Variants in PTPRN2 observed in about 807,000 individuals in gnomAD.
PTPRN2 encodes protein tyrosine phosphatase receptor type N2.
A neutral mutation model predicts 118.8 loss-of-function variants in PTPRN2; 74 were observed. The ratio of observed to expected loss-of-function variants is 0.62; its 90% CI spans 0.52 to 0.76. The LOEUF (loss-of-function observed/expected upper bound fraction) is 0.76. PTPRN2 is among the 30% of genes least tolerant of loss of function. The pLI is 0.00. For synonymous variants in PTPRN2, 641 were observed against 608.0 expected (o/e 1.05, Z -0.80); for missense variants, 1,481 against 1,394.4 (o/e 1.06, Z -0.99).
intron 2 of PTPRN2, among the ~76,000 whole-genome samples, chr7:158,379,662 T>A (rs907664345): frequency 6.6e-6 from 1 of 152,156 alleles, no homozygotes; most frequent in East Asian, 1.9e-4. Context: ...GCGGGGTTCC[T>A]AAGAAACAGC....
chr7:158,311,913 A>G (rs1202066229), intron 3 of PTPRN2, among the ~76,000 whole-genome samples: 1 of 146,850 alleles, frequency 6.8e-6, no homozygotes, highest in African/African-American at 2.7e-5. Context: ...ACACGCACAC[A>G]CCTGCACACA....
intron 3 of PTPRN2, among the ~76,000 whole-genome samples, chr7:158,290,199 G>C (rs1800025402): frequency 1.5e-5 from 2 of 137,762 alleles, no homozygotes; most frequent in South Asian, 4.7e-4. Context: ...GGGCTGGCTG[G>C]CACCAGGGGT....
At chr7:158,048,450 GGTGA>G (rs1265257465) in intron 11 of PTPRN2, among the ~76,000 whole-genome samples, 1 of 152,026 alleles carries the variant, frequency 6.6e-6, no homozygotes, top group East Asian at 1.9e-4. Context: ...TGTATTTTAA[GGTGA>G]GTAAGTTACA....
intron 2 of PTPRN2, among the ~76,000 whole-genome samples, chr7:158,434,675 C>G (rs1816451983): frequency 6.6e-6 from 1 of 152,094 alleles, no homozygotes; most frequent in Admixed American, 6.5e-5. Flanking sequence ...TTTATATCGA[C>G]TATCTTACCT....
At chr7:157,689,450 C>G (rs1283694173) in intron 12 of PTPRN2, among the ~76,000 whole-genome samples, 1 of 152,192 alleles carries the variant, frequency 6.6e-6, no homozygotes, top group Non-Finnish European at 1.5e-5. Flanking sequence ...GTGGCGGGGC[C>G]CCTCTCCCAG....
chr7:158,513,510 G>A (rs983362659), intron 1 of PTPRN2, among the ~76,000 whole-genome samples: 3 of 152,220 alleles, frequency 2.0e-5, no homozygotes, highest in Admixed American at 6.5e-5. Flanking sequence ...GACAAACTGT[G>A]TACTAATGTA....
chr7:158,138,315 G>T lies in PTPRN2; in HGVS notation c.1111C>A (p.Leu371Ile). Residue 371 changes from leucine (L) to isoleucine (I), a missense_variant, in exon 7 of 23, where the codon CTC becomes ATC. By Grantham distance (5) the Leu-to-Ile change is conservative (BLOSUM62 2). Transcript: ENST00000389418. ...GEQADGPKAT[L>I]RGDSFPDDGV... ...TCACCTGGAAAGCTGTCTCCACGGA[G>T]GGTGGCCTTGGGGCCATCCGCCTGT... The T allele has an allele frequency of 2.5e-6, 4 of 1,613,314 alleles. No individual in the cohort carries two copies. Among genetic ancestry groups the T allele is most frequent in the South Asian group, 1.1e-5 (1 of 91,072 alleles).
At chr7:158,247,997 A>G (rs10256056) in intron 3 of PTPRN2, among the ~76,000 whole-genome samples, 121,423 of 152,076 alleles carry the variant, frequency 0.8, 48,800 homozygotes, top group African/African-American at 0.88. Context: ...TTATCCCCCC[A>G]TTATTAGGGA....
chr7:158,250,202 C>T (rs1002558137), intron 3 of PTPRN2, among the ~76,000 whole-genome samples: 1 of 152,152 alleles, frequency 6.6e-6, no homozygotes, highest in Non-Finnish European at 1.5e-5. Flanking sequence ...GACCCACAAT[C>T]GGATCTATGG....
chr7:158,251,926 A>G (rs1376896517), intron 3 of PTPRN2, among the ~76,000 whole-genome samples: 1 of 152,164 alleles, frequency 6.6e-6, no homozygotes, highest in Non-Finnish European at 1.5e-5. Context: ...TGTTGGGGAC[A>G]CACAAGCAGG....
intron 11 of PTPRN2, among the ~76,000 whole-genome samples, chr7:158,077,918 G>A (rs1011908534): frequency 1.3e-5 from 2 of 152,184 alleles, no homozygotes; most frequent in Admixed American, 6.5e-5. Flanking sequence ...GAGCCACGGA[G>A]ATTAAACGTA....
intron 12 of PTPRN2, among the ~76,000 whole-genome samples, chr7:157,684,746 C>G (rs898586689): frequency 2.0e-5 from 3 of 152,020 alleles, no homozygotes; most frequent in Non-Finnish European, 2.9e-5. Context: ...AGCCCGTTCA[C>G]GAAACCTAAG....
At chr7:157,957,470 A>G (rs1249349397) in intron 11 of PTPRN2, among the ~76,000 whole-genome samples, 1 of 152,206 alleles carries the variant, frequency 6.6e-6, no homozygotes, top group Non-Finnish European at 1.5e-5. Context: ...AAAAACACTG[A>G]TGGTACACAC....
intron 11 of PTPRN2, among the ~76,000 whole-genome samples, chr7:158,068,711 G>A (rs1810978779): frequency 6.6e-6 from 1 of 152,140 alleles, no homozygotes; most frequent in Admixed American, 6.5e-5. Context: ...GCATTCATTG[G>A]GGGATGTCAT....
At chr7:158,380,197 C>T (rs1159084249) in intron 2 of PTPRN2, among the ~76,000 whole-genome samples, 2 of 152,162 alleles carry the variant, frequency 1.3e-5, no homozygotes, top group Admixed American at 6.6e-5. Context: ...TTCCCAACAG[C>T]CCCCCAAAGT....
At chr7:157,553,633 A>T (rs1266030681) in intron 21 of PTPRN2, among the ~76,000 whole-genome samples, 2 of 152,238 alleles carry the variant, frequency 1.3e-5, no homozygotes, top group African/African-American at 2.4e-5. Flanking sequence ...CCGGGCGGAA[A>T]TACAAAATGA....
rs200614034 is a variant in PTPRN2, at chr7:158,521,621, A to AG, written c.113-31837dup. On this transcript the variant is annotated intron_variant, in intron 1 of 22. Coordinates refer to ENST00000389418, the MANE Select transcript of PTPRN2 (RefSeq NM_002847.5). ...TGGTGGACTGTCCAGGTAGTGGCTC[A>AG]GGAGGGAGGTCCACGTCACAATGGT... Among the ~76,000 whole-genome samples, 20 of 41,976 alleles carry AG rather than the reference A, an allele frequency of 4.8e-4. 2 individuals are homozygous for AG. In the South Asian group the frequency reaches 5.0e-3, roughly 10 times the overall value. 27.5% of individuals were successfully genotyped at this position (41,976 alleles called of 152,430 possible).
chr7:157,775,669 G>A (rs986178858), intron 12 of PTPRN2, among the ~76,000 whole-genome samples: 1 of 152,164 alleles, frequency 6.6e-6, no homozygotes, highest in Non-Finnish European at 1.5e-5. Context: ...CCTCGGGGCA[G>A]TCCCCACACA....
At chr7:157,770,708 A>G (rs1401705194) in intron 12 of PTPRN2, among the ~76,000 whole-genome samples, 1 of 152,216 alleles carries the variant, frequency 6.6e-6, no homozygotes, top group Non-Finnish European at 1.5e-5. Flanking sequence ...GTAGACGGAC[A>G]TCCTCGGGAA....
Sources: allele counts gnomAD v4.1 joint callset (sites outside exome capture counted in the v4.1 genomes callset), GRCh38; gene constraint gnomAD v4.1.1; transcripts MANE v1.5; gene names NCBI Gene and HGNC (gene_info 2026-07-23, HGNC 2026-07-21).